The following EXD3 variants were observed in gnomAD, a reference collection of about 807,000 sequenced individuals.
EXD3 encodes the protein exonuclease mut-7 homolog.
A neutral mutation model predicts 98.0 loss-of-function variants in EXD3; 92 were observed. That is an observed-to-expected ratio of 0.94 (90% confidence interval 0.79 to 1.12). The LOEUF (loss-of-function observed/expected upper bound fraction) is 1.12, where lower values mean the gene tolerates loss of function less well. Ranked by LOEUF, EXD3 falls within the 50% of genes most tolerant of loss-of-function variation. The pLI is 0.00. For synonymous variants in EXD3, 569 were observed against 526.0 expected (o/e 1.08, Z -1.12); for missense variants, 1,222 against 1,191.6 (o/e 1.03, Z -0.38).
At chr9:137,399,979 G>A (rs1018902996) in intron 1 of EXD3, among the ~76,000 whole-genome samples, 9 of 147,966 alleles carry the variant, frequency 6.1e-5, no homozygotes, top group African/African-American at 2.3e-4. Flanking sequence ...GCAGTGAGCT[G>A]AGACTGCACC....
chr9:137,415,591 C>G (rs1406443150), intron 1 of EXD3, among the ~76,000 whole-genome samples: 1 of 152,190 alleles, frequency 6.6e-6, no homozygotes, highest in African/African-American at 2.4e-5. Context: ...AGCTCACTGC[C>G]CACAACACAT....
chr9:137,409,883 T>A (rs116627417), intron 1 of EXD3, among the ~76,000 whole-genome samples: 235 of 152,282 alleles, frequency 1.5e-3, no homozygotes, highest in African/African-American at 5.5e-3. Context: ...CCACTTAAAA[T>A]TAACAACTGC....
In EXD3 at chr9:137,405,194, C is replaced by T. The variant is rs941693432; in HGVS notation, c.-47-9790G>A. 6.6e-6 allele frequency among the ~76,000 whole-genome samples: 1 copy of T among 152,240 alleles called. No individual in the cohort carries two copies. Among genetic ancestry groups the T allele is most frequent in the African/African-American group, 2.4e-5 (1 of 41,462 alleles). On this transcript the variant is annotated intron_variant, in intron 1 of 21. Transcript: ENST00000340951. The surrounding 1 kb of genome is among the most constrained non-coding windows in gnomAD (Gnocchi z 4.1). ...AGCCCCGCACATCCGCACATCCCAC[C>T]CTTGGACCTCCTAACTGCGCTGGGG...
In EXD3 at chr9:137,330,599, C is replaced by T. The variant is rs935708832; in HGVS notation, c.1999-6456G>A. Among the ~76,000 whole-genome samples, 8 of 134,282 alleles carry T rather than the reference C, an allele frequency of 6.0e-5. 1 individual carries two copies. The highest frequency in any genetic ancestry group is 3.6e-4 in the Admixed American group (5 of 13,872). The allele number at this position is 134,282 out of a possible 152,430, so 88.1% of individuals were successfully genotyped here. ...CTACACAGGACTACACAGGACTACACAGGACTACACAGGACTACACAGGAA... is the reference window on the plus strand; with the variant it reads ...CTACACAGGACTACACAGGACTACATAGGACTACACAGGACTACACAGGAA... On this transcript the variant is annotated intron_variant, in intron 17 of 21. Coordinates refer to ENST00000340951, the MANE Select transcript of EXD3 (RefSeq NM_017820.5).
rs781285195 is a variant in EXD3, at chr9:137,352,784, G to A, written c.873C>T (p.Gly291=). 2 of 1,580,444 alleles carry A rather than the reference G, an allele frequency of 1.3e-6. No homozygotes were observed. Among genetic ancestry groups the A allele is most frequent in the East Asian group, 4.6e-5 (2 of 43,366 alleles). ...GAAGCCACGGGCTCTGCCCCACCAG[G>A]CCCTGTGAGGAGGGTGGCCGTGAGG... ...SQENWTDHVQ[G]LVGQSPWLQE... The change falls in exon 11 of 22, where the codon GGC becomes GGT. Residue 291 remains glycine, a splice_region_variant and synonymous_variant. Transcript: ENST00000340951.
chr9:137,372,754 G>A (rs918296302), intron 5 of EXD3, 151 bp downstream of exon 5: 2 of 795,426 alleles, frequency 2.5e-6, no homozygotes, highest in Non-Finnish European at 3.9e-6. Flanking sequence ...GCACACAGCT[G>A]ATGGCTGCCC....
intron 3 of EXD3, among the ~76,000 whole-genome samples, chr9:137,374,152 C>T (rs191187702): frequency 3.3e-5 from 5 of 152,256 alleles, no homozygotes; most frequent in African/African-American, 1.2e-4. Flanking sequence ...GCCTCAGCGG[C>T]GCCGTCCTCT....
rs1341907974 is a variant in EXD3 at position 137,407,370 on chromosome 9, C to T, written c.-47-11966G>A. Among the ~76,000 whole-genome samples the T allele has an allele frequency of 1.3e-5, 2 of 152,234 alleles. No individual in the cohort carries two copies. The highest frequency in any genetic ancestry group is 4.8e-5 in the African/African-American group (2 of 41,452). ...AAATACCGCAGAGGTGACTGCTCCC[C>T]CGCGAAGCCCACCCACCTGAGGTCC... On this transcript the variant is annotated intron_variant, in intron 1 of 21. Transcript: ENST00000340951. The surrounding 1 kb of genome is among the most constrained non-coding windows in gnomAD (Gnocchi z 4.4).
intron 17 of EXD3, among the ~76,000 whole-genome samples, chr9:137,329,369 GA>G (rs201572726): frequency 1.8e-4 from 3 of 16,408 alleles, no homozygotes; most frequent in African/African-American, 2.2e-4. Flanking sequence ...GACTACACGG[GA>G]GCTACACGGG....
At chr9:137,367,721 C>T (rs1398094010) in intron 6 of EXD3, 12 of 527,738 alleles carry the variant, frequency 2.3e-5, no homozygotes, top group African/African-American at 5.8e-5. Context: ...CAGCTGGACA[C>T]GGGGTTCGTG....
At chr9:137,364,654 T>C (rs1347892326) in intron 7 of EXD3, among the ~76,000 whole-genome samples, 1 of 151,864 alleles carries the variant, frequency 6.6e-6, no homozygotes, top group Non-Finnish European at 1.5e-5. Context: ...ATATCTGCAA[T>C]GAAATCTAAC....
chr9:137,386,235 A>G (rs1398180132), intron 2 of EXD3, among the ~76,000 whole-genome samples: 1 of 152,066 alleles, frequency 6.6e-6, no homozygotes, highest in Non-Finnish European at 1.5e-5. Context: ...TTGAGGCTGC[A>G]GTGAGCCCTG....
Position 137,349,121 on chromosome 9 carries a change from C to T in EXD3, c.1819G>A (p.Ala607Thr), listed in dbSNP as rs200997000. The change falls in exon 16 of 22, where the codon GCA becomes ACA. Residue 607 changes from alanine to threonine, a missense_variant. Coordinates refer to ENST00000340951, the MANE Select transcript of EXD3 (RefSeq NM_017820.5). The surrounding 1 kb of genome is among the most constrained non-coding windows in gnomAD (Gnocchi z 7.4). ...PGLQKASAPA[A>T]PRQVPVAVAV... is the part of the protein sequence containing the mutation. ...GGGGCTTCACCCACCTGCCTGGGTG[C>T]GGCCGGTGCTGACGCTTTCTGCAGG... The T allele has an allele frequency of 1.7e-4, 270 of 1,595,256 alleles. No homozygotes were observed. Among genetic ancestry groups the T allele is most frequent in the Non-Finnish European group, 2.2e-4 (253 of 1,176,560 alleles).
chr9:137,413,293 C>T (rs1423002916), intron 1 of EXD3, among the ~76,000 whole-genome samples: 4 of 152,020 alleles, frequency 2.6e-5, no homozygotes, highest in African/African-American at 7.2e-5. Flanking sequence ...CTCCGCCTCC[C>T]GGGTTCACGC....
chr9:137,313,371 C>A (rs1831466920), intron 19 of EXD3, among the ~76,000 whole-genome samples: 1 of 152,168 alleles, frequency 6.6e-6, no homozygotes, highest in South Asian at 2.1e-4. Flanking sequence ...ACTCCCACAG[C>A]CCCTGCTCTC....
intron 2 of EXD3, among the ~76,000 whole-genome samples, chr9:137,389,004 G>A (rs1052830847): frequency 3.9e-5 from 6 of 152,234 alleles, no homozygotes; most frequent in East Asian, 1.9e-4. Context: ...GGCACCTCCC[G>A]CAGGCGTGTC....
intron 20 of EXD3, among the ~76,000 whole-genome samples, chr9:137,308,660 G>A (rs1831189718): frequency 7.0e-6 from 1 of 143,586 alleles, no homozygotes; most frequent in Non-Finnish European, 1.5e-5. Context: ...TTTTGGAGAC[G>A]GAGTCTCACT....
chr9:137,330,388 A>C (rs986093089), intron 17 of EXD3, among the ~76,000 whole-genome samples: 14 of 141,016 alleles, frequency 9.9e-5, no homozygotes, highest in Non-Finnish European at 2.0e-4. Flanking sequence ...ACAGGACTAC[A>C]CAGGAGCTAC....
At chr9:137,314,747 C>T (rs968059388) in intron 19 of EXD3, among the ~76,000 whole-genome samples, 29 of 152,152 alleles carry the variant, frequency 1.9e-4, no homozygotes, top group Non-Finnish European at 2.9e-4. Context: ...CGGGCAGCGT[C>T]GGCGGCGAGA....
Sources: gnomAD v4.1 joint callset for allele counts (sites outside exome capture counted in the v4.1 genomes callset) on GRCh38, gnomAD v4.1.1 for gene constraint, Gnocchi (gnomAD v3.1) non-coding constraint, MANE v1.5 for transcripts, NCBI Gene and HGNC (gene_info 2026-07-23, HGNC 2026-07-21) for gene names.